The following ZNF329 variants were observed in gnomAD, a reference collection of about 807,000 sequenced individuals.
The protein encoded by ZNF329 is zinc finger protein 329.
A neutral mutation model predicts 26.6 loss-of-function variants in ZNF329; 15 were observed. The ratio of observed to expected loss-of-function variants is 0.56; its 90% CI spans 0.38 to 0.87. The LOEUF (loss-of-function observed/expected upper bound fraction) is 0.87. ZNF329 is among the 40% of genes least tolerant of loss of function. The probability of loss-of-function intolerance (pLI) is 0.00; values close to 1 mark genes in which losing one functional copy is unlikely to be tolerated. For missense variants in ZNF329, 651 were observed against 651.9 expected (o/e 1.00, Z 0.02); for synonymous variants, 239 against 233.5 (o/e 1.02, Z -0.21).
chr19:58,152,210 G>A (rs2075467390), upstream of ZNF329, among the ~76,000 whole-genome samples: 1 of 152,054 alleles, frequency 6.6e-6, no homozygotes, highest in South Asian at 2.1e-4. Context: ...TTCCTGAATG[G>A]AAAGTATTTT....
At chr19:58,148,391 TAAAAAAAA>T (rs1241009357) in intron 1 of ZNF329, among the ~76,000 whole-genome samples, 1 of 103,844 alleles carries the variant, frequency 9.6e-6, no homozygotes, top group Non-Finnish European at 2.0e-5. Context: ...AATGATCAAT[TAAAAAAAA>T]AAAAAAAAAA....
Position 58,128,821 on chromosome 19 carries a change from T to G in ZNF329, c.683A>C (p.Glu228Ala). ...ACACTCATTACAAGTATAAGGCTTC[T>G]CTCCGGTGTGAGTTCGGTGATGCAA... ...LVLHHRTHTG[E>A]KPYTCNECGK... is the part of the protein sequence containing the mutation. The change falls in exon 4 of 4, where the codon GAG becomes GCG. Residue 228 changes from glutamate to alanine, a missense_variant. By Grantham distance (107) the Glu-to-Ala change is moderately radical. Transcript: ENST00000598312. 1 of 1,607,158 alleles carries G rather than the reference T, an allele frequency of 6.2e-7. No homozygotes were observed. Among genetic ancestry groups the G allele is most frequent in the Non-Finnish European group, 8.5e-7 (1 of 1,177,194 alleles).
chr19:58,129,597 G>T (rs45589034), intron 3 of ZNF329, 86 bp from the exon 4 acceptor site: 192,730 of 1,187,156 alleles, frequency 0.16, 15,927 homozygotes, highest in Admixed American at 0.22. Flanking sequence ...TAGGTGTAAA[G>T]ATGTGTATTT....
chr19:58,144,772 G>A (rs1457055626), intron 1 of ZNF329, among the ~76,000 whole-genome samples: 1 of 150,032 alleles, frequency 6.7e-6, no homozygotes, highest in African/African-American at 2.5e-5. Flanking sequence ...TATGATCATG[G>A]CTCACTGTAA....
intron 1 of ZNF329, among the ~76,000 whole-genome samples, chr19:58,146,456 G>C (rs577767228): frequency 6.6e-6 from 1 of 151,838 alleles, no homozygotes; most frequent in Non-Finnish European, 1.5e-5. Context: ...CCTGGGTGAC[G>C]GAGTAAGATT....
intron 3 of ZNF329, among the ~76,000 whole-genome samples, chr19:58,132,022 CAAAA>C (rs11317433): frequency 8.1e-5 from 8 of 98,974 alleles, no homozygotes; most frequent in Admixed American, 2.1e-4. Context: ...GACTCTGCCT[CAAAA>C]AAAAAAAAAA....
rs1328686913 is a variant in ZNF329 at position 58,150,766 on chromosome 19, G to T, written c.-222C>A. ...TCGGCACTTACGGTTGGCGGCCGGC[G>T]GCAGCCATGTTCCGGGCGATTGCGC... On this transcript the variant is annotated 5_prime_UTR_variant, in exon 1 of 4. Coordinates refer to ENST00000598312, the MANE Select transcript of ZNF329 (RefSeq NM_024620.4). 1.3e-5 allele frequency: 2 copies of T among 152,730 alleles called. No homozygotes were observed. The highest frequency in any genetic ancestry group is 4.8e-5 in the African/African-American group (2 of 41,474). The allele number at this position is 152,730 out of a possible 1,614,324, so 9.5% of individuals were successfully genotyped here.
At chr19:58,150,843 C>T (rs538459305), upstream of ZNF329, 1 of 152,802 alleles carries the variant, frequency 6.5e-6, no homozygotes, top group South Asian at 2.1e-4. Context: ...CCCCGAGCTT[C>T]CCCCGCCCAA....
intron 3 of ZNF329, among the ~76,000 whole-genome samples, chr19:58,133,905 G>A (rs373346326): frequency 2.0e-5 from 3 of 151,932 alleles, no homozygotes; most frequent in Admixed American, 6.6e-5. Flanking sequence ...CAGAAATCAC[G>A]ACTTGGAATT....
At chr19:58,132,191 G>C (rs997978369) in intron 3 of ZNF329, 1 of 152,162 alleles carries the variant, frequency 6.6e-6, no homozygotes, top group Non-Finnish European at 1.5e-5. Flanking sequence ...AGCTTTGGTA[G>C]GTCACAAGGG....
At chr19:58,146,759 G>A (rs1474059704) in intron 1 of ZNF329, among the ~76,000 whole-genome samples, 2 of 152,080 alleles carry the variant, frequency 1.3e-5, no homozygotes, top group Non-Finnish European at 2.9e-5. Flanking sequence ...CGCTGTGTTG[G>A]CCAGGCTGGT....
chr19:58,144,206 G>A (rs943819079), intron 1 of ZNF329, among the ~76,000 whole-genome samples: 19 of 151,570 alleles, frequency 1.3e-4, no homozygotes, highest in Non-Finnish European at 2.5e-4. Context: ...ATGGAGTCTT[G>A]CTCTGTTGCC....
chr19:58,140,768 A>G (rs1266758698), intron 3 of ZNF329, among the ~76,000 whole-genome samples: 1 of 151,810 alleles, frequency 6.6e-6, no homozygotes, highest in African/African-American at 2.4e-5. Flanking sequence ...CCTAGACTGC[A>G]AGGTGCAATC....
At chr19:58,148,386 T>C (rs113931751) in intron 1 of ZNF329, among the ~76,000 whole-genome samples, 14 of 101,258 alleles carry the variant, frequency 1.4e-4, no homozygotes, top group Non-Finnish European at 2.2e-4. Flanking sequence ...CCAAGAATGA[T>C]CAATTAAAAA....
intron 1 of ZNF329, among the ~76,000 whole-genome samples, chr19:58,149,210 G>C (rs2075394295): frequency 6.6e-6 from 1 of 152,168 alleles, no homozygotes; most frequent in Non-Finnish European, 1.5e-5. Context: ...AAAATGGTAG[G>C]CATGAATAAT....
At chr19:58,133,490 A>G (rs115610095) in intron 3 of ZNF329, among the ~76,000 whole-genome samples, 2,791 of 152,088 alleles carry the variant, frequency 0.018, 83 homozygotes, top group African/African-American at 0.063. Context: ...GGGAAGCTGA[A>G]GTAGGAGAAT....
chr19:58,144,248 C>T (rs1239339957), intron 1 of ZNF329, among the ~76,000 whole-genome samples: 1 of 151,396 alleles, frequency 6.6e-6, no homozygotes, highest in South Asian at 2.1e-4. Flanking sequence ...GATCTCAACT[C>T]ACTGCAACCT....
rs1239038846 is a variant in ZNF329 at position 58,128,362 on chromosome 19, T to C, written c.1142A>G (p.Asn381Ser). Reference sequence around the variant, plus strand: ...ATGCACAATGAGGTGAGAGTTTCTGTTGAAGGATTTCCCGCACTCTGCACA... The same window carrying C: ...ATGCACAATGAGGTGAGAGTTTCTGCTGAAGGATTTCCCGCACTCTGCACA... ...FECAECGKSF[N>S]RNSHLIVHQK... is the part of the protein sequence containing the mutation. Residue 381 changes from asparagine to serine, a missense_variant, in exon 4 of 4, where the codon AAC becomes AGC. Asn to Ser is a conservative substitution (Grantham distance 46). Transcript: ENST00000598312. 1.9e-6 allele frequency: 3 copies of C among 1,613,968 alleles called. No homozygotes were observed. In the Admixed American group the frequency reaches 5.0e-5, roughly 27 times the overall value.
intron 3 of ZNF329, among the ~76,000 whole-genome samples, chr19:58,138,185 T>G (rs1004116632): frequency 6.6e-6 from 1 of 152,072 alleles, no homozygotes; most frequent in Non-Finnish European, 1.5e-5. Flanking sequence ...CCCTTACACC[T>G]TATCCCAATA....
Sources: allele counts gnomAD v4.1 joint callset (sites outside exome capture counted in the v4.1 genomes callset), GRCh38; gene constraint gnomAD v4.1.1; transcripts MANE v1.5; gene names NCBI Gene and HGNC (gene_info 2026-07-23, HGNC 2026-07-21).